SPI1: variants seen among roughly 807,000 people sequenced by gnomAD.
SPI1 encodes the protein Spi-1 proto-oncogene.
In SPI1, 3 loss-of-function variants were observed where a neutral mutation model predicts 30.7. The ratio of observed to expected loss-of-function variants is 0.10; its 90% CI spans 0.04 to 0.25. SPI1 has a LOEUF of 0.25. Among genes scored for constraint, SPI1 ranks in the 10% least tolerant of loss-of-function variants. The pLI is 1.00. For missense variants in SPI1, 261 were observed against 371.5 expected (o/e 0.70, Z 2.45); for synonymous variants, 169 against 157.1 (o/e 1.08, Z -0.56).
intron 2 of SPI1, among the ~76,000 whole-genome samples, chr11:47,369,120 C>T (rs190486561): frequency 2.0e-5 from 3 of 151,962 alleles, no homozygotes; most frequent in South Asian, 2.1e-4. Context: ...GGTGTGGTGG[C>T]GCATGCCTGT....
intron 1 of SPI1, among the ~76,000 whole-genome samples, chr11:47,377,327 G>A (rs1301782611): frequency 5.3e-5 from 8 of 152,138 alleles, no homozygotes; most frequent in Admixed American, 3.9e-4. Context: ...CCAGGAAAGT[G>A]GATTCAGGTG....
chr11:47,367,401 A>AC (rs1393096512), intron 2 of SPI1, among the ~76,000 whole-genome samples: 1 of 151,932 alleles, frequency 6.6e-6, no homozygotes, highest in African/African-American at 2.4e-5. Flanking sequence ...TAGAAATACA[A>AC]AAAGTAGCCG....
At chr11:47,369,111 G>T (rs2095932272) in intron 2 of SPI1, among the ~76,000 whole-genome samples, 1 of 152,066 alleles carries the variant, frequency 6.6e-6, no homozygotes, top group Non-Finnish European at 1.5e-5. Context: ...AATTAGCCAG[G>T]TGTGGTGGCG....
intron 4 of SPI1, among the ~76,000 whole-genome samples, chr11:47,357,263 C>T (rs202049401): frequency 1.4e-5 from 2 of 143,238 alleles, no homozygotes; most frequent in East Asian, 2.0e-4. Context: ...TGCTCACATA[C>T]ATGCTCACAC....
At chr11:47,361,630 C>T (rs1035802440) in intron 2 of SPI1, among the ~76,000 whole-genome samples, 2 of 152,188 alleles carry the variant, frequency 1.3e-5, no homozygotes, top group African/African-American at 2.4e-5. Context: ...AGGGCGCCTA[C>T]GAGACTCCAG....
At chr11:47,372,628 T>C (rs1407233263) in intron 2 of SPI1, among the ~76,000 whole-genome samples, 1 of 152,054 alleles carries the variant, frequency 6.6e-6, no homozygotes, top group African/African-American at 2.4e-5. Context: ...GGTGGCAGAT[T>C]GACTGTCCCC....
At chr11:47,368,027 A>G (rs2095930880) in intron 2 of SPI1, among the ~76,000 whole-genome samples, 1 of 152,064 alleles carries the variant, frequency 6.6e-6, no homozygotes, top group African/African-American at 2.4e-5. Context: ...AGATGGGATT[A>G]CAGGCATGAG....
Position 47,355,893 on chromosome 11 carries a change from TCA to T in SPI1, c.494-349_494-348del, listed in dbSNP as rs560669422. On this transcript the variant is annotated intron_variant, in intron 4 of 4. Transcript: ENST00000378538. ...GCTCACACATCACGCCCACACCCAC[TCA>T]CACACGTGCTCACACAACGCACCTT... 1.1e-4 allele frequency among the ~76,000 whole-genome samples: 16 copies of T among 145,452 alleles called. No individual in the cohort carries two copies. In the South Asian group the frequency reaches 2.5e-3, roughly 22 times the overall value.
intron 4 of SPI1, among the ~76,000 whole-genome samples, chr11:47,355,955 G>A (rs904938084): frequency 1.0e-5 from 1 of 98,644 alleles, no homozygotes; most frequent in Non-Finnish European, 2.0e-5. Context: ...TAAACACAAT[G>A]CAACCACTCA....
At chr11:47,378,287 G>A in intron 1 of SPI1, 22 bp downstream of exon 1, 1 of 1,612,950 alleles carries the variant, frequency 6.2e-7, no homozygotes, top group East Asian at 2.2e-5. Context: ...GGTTGGGCTG[G>A]TGGAGGAGTC....
chr11:47,370,852 T>C (rs2095934761), intron 2 of SPI1, among the ~76,000 whole-genome samples: 1 of 152,046 alleles, frequency 6.6e-6, no homozygotes, highest in Non-Finnish European at 1.5e-5. Context: ...TATAGAGTAA[T>C]GAATTGGGGA....
chr11:47,362,303 G>A (rs1027210259), intron 2 of SPI1, among the ~76,000 whole-genome samples: 2 of 152,004 alleles, frequency 1.3e-5, no homozygotes, highest in South Asian at 2.1e-4. Context: ...ACTGAGTGTG[G>A]TTACACCTAT....
intron 2 of SPI1, among the ~76,000 whole-genome samples, chr11:47,372,165 C>T (rs1264347993): frequency 3.3e-5 from 5 of 150,348 alleles, no homozygotes; most frequent in South Asian, 4.2e-4. Context: ...AGTTCAGTGG[C>T]GCGATCTCAG....
At chr11:47,357,075 A>C (rs2095911753) in intron 4 of SPI1, among the ~76,000 whole-genome samples, 1 of 150,330 alleles carries the variant, frequency 6.7e-6, no homozygotes, top group South Asian at 2.1e-4. Flanking sequence ...ACACATGCTA[A>C]CACTTCACAC....
intron 2 of SPI1, among the ~76,000 whole-genome samples, chr11:47,360,271 T>A (rs929246517): frequency 1.3e-5 from 2 of 152,144 alleles, no homozygotes; most frequent in Admixed American, 6.5e-5. Context: ...CAGCCAGGAC[T>A]CAGGGCTGAA....
At chr11:47,358,427 C>G (rs1353579908) in intron 4 of SPI1, 1 of 632,418 alleles carries the variant, frequency 1.6e-6, no homozygotes, top group Non-Finnish European at 2.9e-6. Context: ...GAAATACATT[C>G]ATGTGTTGAC....
Position 47,359,405 on chromosome 11 carries a change from G to A in SPI1, c.331-399C>T, listed in dbSNP as rs1369383597. ...TTCATAGGTGGGATGATGAGTGAGTGGAGGGACCCTGGAGGTCAGTAGGGG... is the reference window on the plus strand; with the variant it reads ...TTCATAGGTGGGATGATGAGTGAGTAGAGGGACCCTGGAGGTCAGTAGGGG... On this transcript the variant is annotated intron_variant, in intron 3 of 4. Transcript: ENST00000378538. This position sits in a 1 kb window ranked among gnomAD's most constrained non-coding sequence, Gnocchi z 5.1. Among the ~76,000 whole-genome samples the A allele has an allele frequency of 6.6e-6, 1 of 152,138 alleles. No individual in the cohort carries two copies. The highest frequency in any genetic ancestry group is 1.5e-5 in the Non-Finnish European group (1 of 68,018).
intron 4 of SPI1, among the ~76,000 whole-genome samples, chr11:47,357,823 C>T (rs2095913884): frequency 6.6e-6 from 1 of 152,190 alleles, no homozygotes; most frequent in Non-Finnish European, 1.5e-5. Context: ...GCCTCAGCCT[C>T]CCAAAGTGCT....
At chr11:47,358,679 G>A in intron 4 of SPI1, 165 bp downstream of exon 4, 1 of 754,356 alleles carries the variant, frequency 1.3e-6, no homozygotes. Flanking sequence ...CACACACACA[G>A]AGACAGCCAC....
Sources: gnomAD v4.1 joint callset for allele counts (sites outside exome capture counted in the v4.1 genomes callset) on GRCh38, gnomAD v4.1.1 for gene constraint, Gnocchi (gnomAD v3.1) non-coding constraint, MANE v1.5 for transcripts, NCBI Gene and HGNC (gene_info 2026-07-23, HGNC 2026-07-21) for gene names.